The following ESRRG variants were observed in gnomAD, a reference collection of about 807,000 sequenced individuals.
ESRRG encodes the protein estrogen-related receptor gamma.
In ESRRG, 13 loss-of-function variants were observed where a neutral mutation model predicts 44.0. That is an observed-to-expected ratio of 0.30 (90% CI 0.19 to 0.47). The LOEUF (loss-of-function observed/expected upper bound fraction) is 0.47, where lower values mean the gene tolerates loss of function less well. ESRRG is among the 20% of genes least tolerant of loss of function. ESRRG has a pLI of 1.00. For synonymous variants in ESRRG, 215 were observed against 214.6 expected, an observed-to-expected ratio of 1.00 and a Z score of -0.02; for missense variants, 395 against 580.6, an observed-to-expected ratio of 0.68 and a Z score of 3.29.
rs2040924687 is a variant in ESRRG, at chr1:216,504,803, T to A, written c.*2136A>T. ...GAGAAATTATTCCTTGTTTTGAAAA[T>A]ATTATTATGATTTTGATGTGTATCT... On this transcript the variant is annotated 3_prime_UTR_variant, in exon 7 of 7. Transcript: ENST00000408911. 2 of 152,650 alleles carry A rather than the reference T, an allele frequency of 1.3e-5. No individual in the cohort carries two copies. Among genetic ancestry groups the A allele is most frequent in the Admixed American group, 1.3e-4 (2 of 15,286 alleles). The allele number at this position is 152,650 out of a possible 1,614,324, so 9.5% of individuals were successfully genotyped here.
intron 2 of ESRRG, among the ~76,000 whole-genome samples, chr1:216,750,253 G>A (rs192298791): frequency 8.6e-5 from 13 of 152,038 alleles, no homozygotes; most frequent in African/African-American, 1.9e-4. Flanking sequence ...ACATCGCCTC[G>A]GAGAGAACAA....
rs577703435 is a variant in ESRRG, at chr1:216,996,412, T to G, written c.-105-56739A>C. Among the ~76,000 whole-genome samples the G allele has an allele frequency of 2.3e-4, 34 of 150,554 alleles. 1 individual carries two copies. Among genetic ancestry groups the G allele is most frequent in the African/African-American group, 8.1e-4 (33 of 40,942 alleles). The stretch of plus-strand genomic sequence containing the variant: ...AGAGGAGGAAAAACAGAGAAGAAGA[T>G]AGGTAACAGTATAGATAAATCAGAG... On this transcript the variant is annotated intron_variant, in intron 1 of 7. Coordinates refer to the ESRRG transcript ENST00000359162.
intron 1 of ESRRG, among the ~76,000 whole-genome samples, chr1:216,944,287 T>C (rs1340707390): frequency 6.6e-6 from 1 of 152,204 alleles, no homozygotes; most frequent in African/African-American, 2.4e-5. Flanking sequence ...ATAAGAGATT[T>C]CTTCATTAAG....
chr1:216,663,954 G>T (rs77744762), intron 2 of ESRRG, among the ~76,000 whole-genome samples: 1 of 152,052 alleles, frequency 6.6e-6, no homozygotes, highest in Admixed American at 6.6e-5. Flanking sequence ...GAAGAGTTGC[G>T]CTCTCAAGCT....
rs1044865582 is a variant in ESRRG, at chr1:216,677,273, C to T, written c.275G>A (p.Gly92Glu). The T allele has an allele frequency of 6.2e-7, 1 of 1,614,136 alleles. No individual in the cohort carries two copies. Among genetic ancestry groups the T allele is most frequent in the Non-Finnish European group, 8.5e-7 (1 of 1,180,018 alleles). ...PPLYPSAPIL[G>E]GSGPVRKLYD... ...CAGTTTCCTGACAGGCCCACTACCT[C>T]CCAGGATAGGAGCAGAAGGGTAGAG... is the stretch of plus-strand genomic sequence containing the variant. Residue 92 changes from glycine to glutamate, a missense_variant, in exon 2 of 7, where the codon GGA (glycine) becomes GAA (glutamate). Transcript: ENST00000408911.
At chr1:216,529,293 T>C (rs2048581877) in intron 5 of ESRRG, among the ~76,000 whole-genome samples, 2 of 152,180 alleles carry the variant, frequency 1.3e-5, no homozygotes, top group Non-Finnish European at 2.9e-5. Flanking sequence ...GATCACATTA[T>C]TTTGATATGA....
intron 1 of ESRRG, among the ~76,000 whole-genome samples, chr1:217,054,668 C>A (rs1341867893): frequency 4.6e-5 from 7 of 152,064 alleles, no homozygotes; most frequent in Non-Finnish European, 8.8e-5. Context: ...CCTGAAAAAA[C>A]CTAAATGTAT....
intron 2 of ESRRG, among the ~76,000 whole-genome samples, chr1:216,835,194 A>T (rs567229630): frequency 6.6e-6 from 1 of 152,228 alleles, no homozygotes; most frequent in African/African-American, 2.4e-5. Flanking sequence ...TGAAAGAAAA[A>T]CTTCAGCTGA....
chr1:216,600,048 G>A (rs1327567560), intron 3 of ESRRG, among the ~76,000 whole-genome samples: 2 of 152,138 alleles, frequency 1.3e-5, no homozygotes, highest in Non-Finnish European at 2.9e-5. Context: ...AACCTAAACC[G>A]TGCAAGAATG....
At chr1:216,768,182 A>G (rs2093180158) in intron 2 of ESRRG, among the ~76,000 whole-genome samples, 1 of 152,124 alleles carries the variant, frequency 6.6e-6, no homozygotes, top group African/African-American at 2.4e-5. Flanking sequence ...TCTATTCTCA[A>G]ATTGAGGAAT....
At chr1:216,689,034 G>A (rs1049753780) in intron 1 of ESRRG, among the ~76,000 whole-genome samples, 5 of 152,032 alleles carry the variant, frequency 3.3e-5, no homozygotes, top group Admixed American at 6.6e-5. Context: ...CTTTTGATTC[G>A]CCATTGCTTC....
chr1:216,975,964 G>C (rs2072791596), intron 1 of ESRRG, among the ~76,000 whole-genome samples: 1 of 152,090 alleles, frequency 6.6e-6, no homozygotes, highest in Non-Finnish European at 1.5e-5. Flanking sequence ...ATTTCAAAAA[G>C]GGCTGCTTTC....
intron 1 of ESRRG, among the ~76,000 whole-genome samples, chr1:216,993,513 C>G (rs1239385734): frequency 6.6e-6 from 1 of 152,120 alleles, no homozygotes; most frequent in Non-Finnish European, 1.5e-5. Context: ...ATTTAAGAAC[C>G]ATCTCTGAGT....
chr1:217,071,227 G>T (rs2090511845), intron 1 of ESRRG, among the ~76,000 whole-genome samples: 1 of 152,094 alleles, frequency 6.6e-6, no homozygotes, highest in African/African-American at 2.4e-5. Context: ...ATGCAGTTAT[G>T]TATTGGGTCT....
chr1:216,663,765 G>A (rs1259424988), intron 2 of ESRRG, among the ~76,000 whole-genome samples: 2 of 152,050 alleles, frequency 1.3e-5, no homozygotes, highest in Non-Finnish European at 2.9e-5. Flanking sequence ...ATCAAAACAG[G>A]AGAGAAATAA....
intron 1 of ESRRG, among the ~76,000 whole-genome samples, chr1:217,048,959 T>A (rs1440328769): frequency 6.6e-6 from 1 of 152,112 alleles, no homozygotes; most frequent in Non-Finnish European, 1.5e-5. Context: ...TGGATAGTGA[T>A]CAAAATCCTC....
chr1:217,075,150 T>A (rs1260395901), intron 1 of ESRRG, among the ~76,000 whole-genome samples: 1 of 152,198 alleles, frequency 6.6e-6, no homozygotes, highest in Non-Finnish European at 1.5e-5. Context: ...TAAAAAAATC[T>A]ACCCACAAGT....
chr1:216,588,905 G>A (rs927131557), intron 3 of ESRRG, among the ~76,000 whole-genome samples: 6 of 152,186 alleles, frequency 3.9e-5, no homozygotes, highest in African/African-American at 1.4e-4. Context: ...TAGGAACAAA[G>A]TGAAAGGCAA....
chr1:217,034,297 T>TA lies in ESRRG; in HGVS notation c.-106+55209dup, dbSNP rs1361953894. Reference sequence around the variant, plus strand: ...GGGATCTCTTTGGCTTCTACATAAATAAAAATGGTAAATATCTTTCGTACC... The same window carrying TA: ...GGGATCTCTTTGGCTTCTACATAAATAAAAAATGGTAAATATCTTTCGTACC... On this transcript the variant is annotated intron_variant, in intron 1 of 7. Coordinates refer to the ESRRG transcript ENST00000359162. Among the ~76,000 whole-genome samples, 4 of 152,298 alleles carry TA rather than the reference T, an allele frequency of 2.6e-5. No individual in the cohort carries two copies. The East Asian group carries it at 7.7e-4, about 29-fold the overall frequency.
Sources: allele counts gnomAD v4.1 joint callset (sites outside exome capture counted in the v4.1 genomes callset), GRCh38; gene constraint gnomAD v4.1.1; transcripts MANE v1.5; gene names NCBI Gene and HGNC (gene_info 2026-07-23, HGNC 2026-07-21).